Variants in B3GALT1 observed in about 807,000 individuals in gnomAD.
B3GALT1 encodes UDP-Gal:betaGlcNAc beta 1,3-galactosyltransferase, polypeptide 1.
A neutral mutation model predicts 23.2 loss-of-function variants in B3GALT1; 10 were observed. The observed-to-expected ratio is 0.43, with a 90% CI of 0.27 to 0.73. The LOEUF is 0.73. Among genes scored for constraint, B3GALT1 ranks in the 30% least tolerant of loss-of-function variants. B3GALT1 has a pLI of 0.21. For synonymous variants in B3GALT1, 156 were observed against 141.5 expected (o/e 1.10, Z -0.73); for missense variants, 299 against 405.4 (o/e 0.74, Z 2.25).
At chr2:167,769,222 G>C (rs1249006949) in intron 3 of B3GALT1, among the ~76,000 whole-genome samples, 1 of 152,096 alleles carries the variant, frequency 6.6e-6, no homozygotes, top group Non-Finnish European at 1.5e-5. Context: ...CCTCACAGCT[G>C]TTATTTCAGC....
intron 1 of B3GALT1, among the ~76,000 whole-genome samples, chr2:167,407,870 T>C (rs1698327031): frequency 6.6e-6 from 1 of 152,120 alleles, no homozygotes; most frequent in African/African-American, 2.4e-5. Context: ...CAGGACCTGA[T>C]TACTTCACTC....
chr2:167,693,283 G>A (rs1043561804), intron 3 of B3GALT1, among the ~76,000 whole-genome samples: 7 of 152,080 alleles, frequency 4.6e-5, no homozygotes, highest in African/African-American at 1.7e-4. Flanking sequence ...CAAAAAAAGA[G>A]ATGTCAGCAG....
chr2:167,294,439 G>T (rs760089287), intron 1 of B3GALT1, among the ~76,000 whole-genome samples: 1 of 152,226 alleles, frequency 6.6e-6, no homozygotes, highest in Non-Finnish European at 1.5e-5. Context: ...AAAGCCTTCC[G>T]CAGAAGGCGA....
Position 167,453,712 on chromosome 2 carries a change from G to A in B3GALT1, c.-510-36465G>A, listed in dbSNP as rs963026537. 8.5e-5 allele frequency among the ~76,000 whole-genome samples: 13 copies of A among 152,322 alleles called. No homozygotes were observed. In the East Asian group the frequency reaches 2.1e-3, roughly 25 times the overall value. ...TAAGGGACTCTATTTTAAGAAAATG[G>A]TTGACCAAGAATTATCCTTTTTTTC... On this transcript the variant is annotated intron_variant, in intron 1 of 4. Transcript: ENST00000392690.
intron 1 of B3GALT1, among the ~76,000 whole-genome samples, chr2:167,369,187 T>C (rs1697640833): frequency 6.6e-6 from 1 of 151,890 alleles, no homozygotes; most frequent in Non-Finnish European, 1.5e-5. Flanking sequence ...TTTGCACATA[T>C]AAAATATGTG....
chr2:167,758,874 A>G (rs1361730969), intron 3 of B3GALT1, among the ~76,000 whole-genome samples: 1 of 152,124 alleles, frequency 6.6e-6, no homozygotes, highest in Non-Finnish European at 1.5e-5. Flanking sequence ...ACTTGGGACA[A>G]AACGTGTCCA....
chr2:167,639,381 T>C (rs889450794), intron 2 of B3GALT1, among the ~76,000 whole-genome samples: 10 of 152,008 alleles, frequency 6.6e-5, no homozygotes, highest in Admixed American at 2.0e-4. Context: ...GAGTTTGTAT[T>C]CTTAATCTAA....
At chr2:167,793,284 C>T (rs1000697862) in intron 3 of B3GALT1, among the ~76,000 whole-genome samples, 3 of 152,132 alleles carry the variant, frequency 2.0e-5, no homozygotes, top group African/African-American at 7.2e-5. Flanking sequence ...AAGCCATTTC[C>T]AGAATCTCAC....
At chr2:167,633,348 C>A (rs1173675605) in intron 2 of B3GALT1, among the ~76,000 whole-genome samples, 2 of 151,806 alleles carry the variant, frequency 1.3e-5, no homozygotes, top group Non-Finnish European at 2.9e-5. Flanking sequence ...CTAAATGCCC[C>A]AAATAAAAGA....
chr2:167,348,854 A>G (rs1697264523), intron 1 of B3GALT1, among the ~76,000 whole-genome samples: 1 of 152,160 alleles, frequency 6.6e-6, no homozygotes, highest in African/African-American at 2.4e-5. Context: ...TCACATGGTA[A>G]TATAATCATA....
rs530218861 is a variant in B3GALT1 at position 167,804,267 on chromosome 2, G to A, written c.-351-14405G>A. Among the ~76,000 whole-genome samples, 7 of 152,134 alleles carry A rather than the reference G, an allele frequency of 4.6e-5. No individual in the cohort carries two copies. The South Asian group carries it at 8.3e-4, about 18-fold the overall frequency. On this transcript the variant is annotated intron_variant, in intron 3 of 4. Transcript: ENST00000392690. ...GGCCGCCCAAAGTGCTGGGATTACA[G>A]GCATGAGCCACCATGCCCAGCCTCA...
intron 3 of B3GALT1, among the ~76,000 whole-genome samples, chr2:167,726,212 C>T (rs1477279548): frequency 6.6e-6 from 1 of 152,200 alleles, no homozygotes; most frequent in African/African-American, 2.4e-5. Flanking sequence ...ATTTCTAGCA[C>T]ACCAAGCTTC....
intron 2 of B3GALT1, among the ~76,000 whole-genome samples, chr2:167,629,412 G>A (rs1361883388): frequency 6.6e-6 from 1 of 151,660 alleles, no homozygotes; most frequent in Non-Finnish European, 1.5e-5. Flanking sequence ...TCATCACATA[G>A]ATGAGAGTTC....
rs542410174 is a variant in B3GALT1, at chr2:167,398,039, C to T, written c.-510-92138C>T. Among the ~76,000 whole-genome samples the T allele has an allele frequency of 4.6e-5, 7 of 152,166 alleles. No homozygotes were observed. The East Asian group carries it at 5.8e-4, about 13-fold the overall frequency. ...TTGTGGAGCAATTAATCTTTGTTAC[C>T]GTACAAAATAATAGCATGAAACATT... On this transcript the variant is annotated intron_variant, in intron 1 of 4. Coordinates refer to ENST00000392690, the MANE Select transcript of B3GALT1 (RefSeq NM_020981.4).
chr2:167,722,706 C>T (rs564119875), intron 3 of B3GALT1, among the ~76,000 whole-genome samples: 1 of 152,316 alleles, frequency 6.6e-6, no homozygotes, highest in South Asian at 2.1e-4. Context: ...CTTTATTCCA[C>T]TGCCCTGGGA....
intron 2 of B3GALT1, among the ~76,000 whole-genome samples, chr2:167,534,289 C>T (rs75378140): frequency 0.08 from 12,103 of 152,088 alleles, 627 homozygotes; most frequent in African/African-American, 0.14. Flanking sequence ...ATCTACATCT[C>T]GTAACTCCTC....
At chr2:167,440,866 AT>A (rs1698882733) in intron 1 of B3GALT1, among the ~76,000 whole-genome samples, 2 of 151,182 alleles carry the variant, frequency 1.3e-5, no homozygotes, top group Admixed American at 6.6e-5. Flanking sequence ...TCTTTTTTTC[AT>A]TTTTTAATCA....
chr2:167,838,539 C>G (rs1574293034), intron 4 of B3GALT1, among the ~76,000 whole-genome samples: 1 of 152,268 alleles, frequency 6.6e-6, no homozygotes, highest in African/African-American at 2.4e-5. Flanking sequence ...TAATCAATAG[C>G]TTACCGACCA....
chr2:167,428,163 G>GA (rs1216630393), intron 1 of B3GALT1, among the ~76,000 whole-genome samples: 1 of 152,150 alleles, frequency 6.6e-6, no homozygotes, highest in African/African-American at 2.4e-5. Context: ...AGAGACATGA[G>GA]AAAATAAGGA....
Sources: gnomAD v4.1 joint callset for allele counts (sites outside exome capture counted in the v4.1 genomes callset) on GRCh38, gnomAD v4.1.1 for gene constraint, MANE v1.5 for transcripts, NCBI Gene and HGNC (gene_info 2026-07-23, HGNC 2026-07-21) for gene names.